CLMP: variants seen among roughly 807,000 people sequenced by gnomAD.
CLMP encodes CXADR like cell adhesion molecule.
In CLMP, 27 loss-of-function variants were observed where a neutral mutation model predicts 45.2. The observed-to-expected ratio is 0.60, with a 90% confidence interval of 0.44 to 0.82. CLMP has a LOEUF of 0.82. Among genes scored for constraint, CLMP ranks in the 40% least tolerant of loss-of-function variants. The pLI, the probability that CLMP is intolerant of heterozygous loss-of-function variation, is 0.00. For missense variants in CLMP, 403 were observed against 448.4 expected (o/e 0.90, Z 0.91); for synonymous variants, 167 against 171.4 (o/e 0.97, Z 0.20).
chr11:123,181,878 G>A lies in CLMP; in HGVS notation c.28+13035C>T, dbSNP rs1040902598. Among the ~76,000 whole-genome samples, 14 of 152,190 alleles carry A rather than the reference G, an allele frequency of 9.2e-5. No homozygotes were observed. In the East Asian group the frequency reaches 1.7e-3, roughly 19 times the overall value. On this transcript the variant is annotated intron_variant, in intron 1 of 6. Coordinates refer to ENST00000448775, the MANE Select transcript of CLMP (RefSeq NM_024769.5). Reference sequence around the variant, plus strand: ...TTGTCTGAAACAGCTCGAACTGAACGGATGAACACATTCATTTCCAGGCCT... The same window carrying A: ...TTGTCTGAAACAGCTCGAACTGAACAGATGAACACATTCATTTCCAGGCCT...
At chr11:123,095,458 C>CA (rs1565380828) in intron 2 of CLMP, among the ~76,000 whole-genome samples, 2 of 152,082 alleles carry the variant, frequency 1.3e-5, no homozygotes, top group East Asian at 3.9e-4. Flanking sequence ...TTAGTAGAGA[C>CA]AGAGTTTCAC....
intron 1 of CLMP, among the ~76,000 whole-genome samples, chr11:123,158,574 C>T (rs1861444885): frequency 6.6e-6 from 1 of 152,198 alleles, no homozygotes. Context: ...TTTTCCCACA[C>T]TTGTCATGCT....
intron 1 of CLMP, among the ~76,000 whole-genome samples, chr11:123,147,164 G>A (rs898800861): frequency 6.6e-6 from 1 of 151,802 alleles, no homozygotes; most frequent in Non-Finnish European, 1.5e-5. Context: ...TTCAAATTTA[G>A]TACGGTAGAA....
chr11:123,115,837 C>T (rs76262366), intron 1 of CLMP, among the ~76,000 whole-genome samples: 2 of 152,068 alleles, frequency 1.3e-5, no homozygotes, highest in South Asian at 2.1e-4. Flanking sequence ...CTTAGCAGCT[C>T]GAAACAATAA....
At chr11:123,088,718 T>G (rs556364148) in intron 2 of CLMP, among the ~76,000 whole-genome samples, 1 of 152,146 alleles carries the variant, frequency 6.6e-6, no homozygotes, top group East Asian at 1.9e-4. Flanking sequence ...CTCCGCCTCC[T>G]GGGTTCAAGC....
At chr11:123,090,919 A>C (rs977519355) in intron 2 of CLMP, among the ~76,000 whole-genome samples, 3 of 152,142 alleles carry the variant, frequency 2.0e-5, no homozygotes, top group Admixed American at 2.0e-4. Flanking sequence ...TTATGTGCCT[A>C]TGTGCAGTAT....
At chr11:123,124,836 T>C (rs1860866115) in intron 1 of CLMP, among the ~76,000 whole-genome samples, 1 of 152,186 alleles carries the variant, frequency 6.6e-6, no homozygotes, top group Non-Finnish European at 1.5e-5. Context: ...GTTTACTAAA[T>C]AAGTAATTGA....
rs1255747098 is a variant in CLMP at position 123,162,900 on chromosome 11, G to T, written c.28+32013C>A. ...AGCCTGGGTGATAGAGTGAGACCCT[G>T]TCTCAAAAAAAAAAGAGAGAAGAAA... is the stretch of plus-strand genomic sequence containing the variant. On this transcript the variant is annotated intron_variant, in intron 1 of 6. Coordinates refer to ENST00000448775, the MANE Select transcript of CLMP (RefSeq NM_024769.5). Among the ~76,000 whole-genome samples, 3 of 150,328 alleles carry T rather than the reference G, an allele frequency of 2.0e-5. No individual in the cohort carries two copies. The East Asian group carries it at 5.8e-4, about 29-fold the overall frequency.
At chr11:123,082,755 C>T (rs1451590960) in intron 5 of CLMP, among the ~76,000 whole-genome samples, 4 of 151,856 alleles carry the variant, frequency 2.6e-5, no homozygotes, top group Admixed American at 1.3e-4. Flanking sequence ...AGATTACAGG[C>T]GCCCACCACA....
At chr11:123,179,300 G>A (rs1861738495) in intron 1 of CLMP, among the ~76,000 whole-genome samples, 1 of 152,200 alleles carries the variant, frequency 6.6e-6, no homozygotes. Flanking sequence ...TGCTCAAATG[G>A]AGGATGCATG....
At chr11:123,162,315 A>G (rs1045247812) in intron 1 of CLMP, among the ~76,000 whole-genome samples, 2 of 152,226 alleles carry the variant, frequency 1.3e-5, no homozygotes, top group African/African-American at 4.8e-5. Flanking sequence ...ACATTTCCTG[A>G]GAGTCTACTC....
chr11:123,091,370 G>T (rs1445335624), intron 2 of CLMP, among the ~76,000 whole-genome samples: 1 of 152,164 alleles, frequency 6.6e-6, no homozygotes, highest in Admixed American at 6.5e-5. Context: ...CTCCCAAAGT[G>T]CTGGGATTAC....
At chr11:123,140,571 C>T (rs1267427915) in intron 1 of CLMP, among the ~76,000 whole-genome samples, 2 of 152,008 alleles carry the variant, frequency 1.3e-5, no homozygotes, top group Non-Finnish European at 2.9e-5. Context: ...CCCCTCTACC[C>T]CCGAACCCTC....
chr11:123,100,081 G>A lies in CLMP; in HGVS notation c.29-2129C>T, dbSNP rs187877803. Among the ~76,000 whole-genome samples, 154 of 152,178 alleles carry A rather than the reference G, an allele frequency of 1.0e-3. 2 individuals are homozygous for A. The highest frequency in any genetic ancestry group is 3.3e-3 in the African/African-American group (138 of 41,534). On this transcript the variant is annotated intron_variant, in intron 1 of 6. Coordinates refer to ENST00000448775, the MANE Select transcript of CLMP (RefSeq NM_024769.5). ...GGAGAAAGAAAAAGGATTCAAAAGC[G>A]AAGACTGGGCCCGGCACGGTGGCTC...
intron 1 of CLMP, among the ~76,000 whole-genome samples, chr11:123,129,417 A>AAT: frequency 7.1e-6 from 1 of 141,130 alleles, no homozygotes; most frequent in Admixed American, 7.4e-5. Flanking sequence ...ATCATATGAT[A>AAT]TATTATATAA....
intron 1 of CLMP, among the ~76,000 whole-genome samples, chr11:123,099,851 A>T (rs1318345220): frequency 1.3e-5 from 2 of 152,222 alleles, no homozygotes; most frequent in African/African-American, 4.8e-5. Flanking sequence ...CTCTTGCTTA[A>T]GGAAGAGATA....
chr11:123,155,497 C>T (rs1861400892), intron 1 of CLMP, among the ~76,000 whole-genome samples: 1 of 152,192 alleles, frequency 6.6e-6, no homozygotes. Flanking sequence ...TACTTACGCC[C>T]ATCGTGTGAG....
At chr11:123,129,214 C>T (rs538707182) in intron 1 of CLMP, among the ~76,000 whole-genome samples, 1 of 151,736 alleles carries the variant, frequency 6.6e-6, no homozygotes, top group African/African-American at 2.4e-5. Context: ...CCTGTAATCC[C>T]AGCTACTCAG....
chr11:123,140,258 TAGG>T (rs1439875614), intron 1 of CLMP, among the ~76,000 whole-genome samples: 2 of 152,068 alleles, frequency 1.3e-5, no homozygotes, highest in Admixed American at 1.3e-4. Context: ...GGGTTACTAG[TAGG>T]AGGAGGAGAA....
Sources: allele counts gnomAD v4.1 joint callset (sites outside exome capture counted in the v4.1 genomes callset), GRCh38; gene constraint gnomAD v4.1.1; transcripts MANE v1.5; gene names NCBI Gene and HGNC (gene_info 2026-07-23, HGNC 2026-07-21).